GDPD4: variants seen among roughly 807,000 people sequenced by gnomAD.
The protein encoded by GDPD4 is glycerophosphodiester phosphodiesterase 6.
In GDPD4, 60 loss-of-function variants were observed where a neutral mutation model predicts 67.8. The observed-to-expected ratio is 0.88, with a 90% confidence interval of 0.72 to 1.10. The LOEUF (loss-of-function observed/expected upper bound fraction) is 1.10. Among genes scored for constraint, GDPD4 ranks in the 50% least tolerant of loss-of-function variants. The pLI, the probability that GDPD4 is intolerant of heterozygous loss-of-function variation, is 0.00. For synonymous variants in GDPD4, 212 were observed against 210.9 expected (o/e 1.00, Z -0.04); for missense variants, 623 against 613.9 (o/e 1.01, Z -0.16).
chr11:77,274,543 C>T (rs1470530805), intron 5 of GDPD4, among the ~76,000 whole-genome samples: 1 of 152,172 alleles, frequency 6.6e-6, no homozygotes, highest in Admixed American at 6.5e-5. Context: ...GATATGCTGG[C>T]TCCCCACTTG....
intron 10 of GDPD4, among the ~76,000 whole-genome samples, chr11:77,262,310 C>T (rs1285332597): frequency 6.6e-6 from 1 of 152,158 alleles, no homozygotes; most frequent in Non-Finnish European, 1.5e-5. Flanking sequence ...AGCAGGAAAT[C>T]AGCCAAAGCA....
chr11:77,224,209 A>C (rs1030631628), intron 16 of GDPD4: 1 of 152,146 alleles, frequency 6.6e-6, no homozygotes, highest in East Asian at 1.9e-4. Flanking sequence ...CCCACTGTCC[A>C]ACCAGTCCCA....
At chr11:77,249,507 AG>A (rs1015564614) in intron 11 of GDPD4, among the ~76,000 whole-genome samples, 3 of 152,226 alleles carry the variant, frequency 2.0e-5, no homozygotes, top group Non-Finnish European at 2.9e-5. Context: ...AAAGTTGAAC[AG>A]AATGAAAAAT....
At chr11:77,281,651 T>C (rs562993201) in intron 3 of GDPD4, among the ~76,000 whole-genome samples, 2 of 152,210 alleles carry the variant, frequency 1.3e-5, no homozygotes, top group Non-Finnish European at 2.9e-5. Flanking sequence ...CAGGAAGCTC[T>C]TGTAAACTTC....
chr11:77,254,722 G>C (rs776603211), intron 11 of GDPD4, among the ~76,000 whole-genome samples: 67 of 152,228 alleles, frequency 4.4e-4, no homozygotes, highest in Non-Finnish European at 8.5e-4. Context: ...CAGGAATTCA[G>C]TTTAGCTTCC....
intron 13 of GDPD4, among the ~76,000 whole-genome samples, chr11:77,236,831 C>T (rs1958578998): frequency 6.6e-6 from 1 of 152,032 alleles, no homozygotes; most frequent in Admixed American, 6.6e-5. Flanking sequence ...GTATAAGGAA[C>T]CATTCATTTT....
At chr11:77,271,759 T>C (rs547054280) in intron 5 of GDPD4, among the ~76,000 whole-genome samples, 56 of 152,350 alleles carry the variant, frequency 3.7e-4, no homozygotes, top group Non-Finnish European at 5.6e-4. Flanking sequence ...AGTCCTCAAT[T>C]GTATACTCAA....
chr11:77,233,257 A>G lies in GDPD4; in HGVS notation c.1242-85T>C, dbSNP rs183466872. ...AGGAGAACAGCCACCATGTTTGTGA[A>G]AGGCTGTTGCCTAAATCACCAGAAG... On this transcript the variant is annotated intron_variant, in intron 13 of 16. Coordinates refer to ENST00000315938, the MANE Select transcript of GDPD4 (RefSeq NM_182833.3). 5 of 1,346,864 alleles carry G rather than the reference A, an allele frequency of 3.7e-6. No individual in the cohort carries two copies. The East Asian group carries it at 1.2e-4, about 31-fold the overall frequency. The allele number at this position is 1,346,864 out of a possible 1,614,324, so 83.4% of individuals were successfully genotyped here.
At chr11:77,277,794 C>T (rs915610303) in intron 4 of GDPD4, among the ~76,000 whole-genome samples, 1 of 151,636 alleles carries the variant, frequency 6.6e-6, no homozygotes, top group Non-Finnish European at 1.5e-5. Flanking sequence ...AATGTGTTTG[C>T]TCTTGCTTCT....
chr11:77,279,345 A>T lies in GDPD4; in HGVS notation c.108T>A (p.Ser36Arg). The T allele has an allele frequency of 6.2e-7, 1 of 1,613,044 alleles. No individual in the cohort carries two copies. Among genetic ancestry groups the T allele is most frequent in the African/African-American group, 1.3e-5 (1 of 75,030 alleles). Residue 36 changes from serine (S) to arginine (R), a missense_variant, in exon 4 of 17, where the codon AGT becomes AGA. Ser to Arg is a moderately radical substitution (Grantham distance 110). Transcript: ENST00000315938. ...AGTAGGCAGTCAGGATCCTAGCTAA[A>T]CTCAGAATAAAAATAGACCAGAAAA... ...YWFFWSIFIL[S>R]LARILTAYSS...
At chr11:77,243,158 G>C (rs1400653858) in intron 13 of GDPD4, among the ~76,000 whole-genome samples, 1 of 152,090 alleles carries the variant, frequency 6.6e-6, no homozygotes, top group Non-Finnish European at 1.5e-5. Flanking sequence ...TTTTAATTCT[G>C]AAAATTTGTC....
Position 77,245,825 on chromosome 11 carries a change from A to G in GDPD4, c.865-323T>C, listed in dbSNP as rs190191408. Among the ~76,000 whole-genome samples, 172 of 152,268 alleles carry G rather than the reference A, an allele frequency of 1.1e-3. 1 individual carries two copies. The highest frequency in any genetic ancestry group is 2.1e-3 in the Non-Finnish European group (144 of 68,028). The stretch of plus-strand genomic sequence containing the variant: ...CCCTTTTCAGTCACGCTGGCTTCCT[A>G]CATGGGCTCCCGCTATTCTAGTTTT... On this transcript the variant is annotated intron_variant, in intron 11 of 16. Coordinates refer to ENST00000315938, the MANE Select transcript of GDPD4 (RefSeq NM_182833.3).
chr11:77,235,279 A>T (rs10793245), intron 13 of GDPD4, among the ~76,000 whole-genome samples: 88,131 of 151,702 alleles, frequency 0.58, 26,227 homozygotes, highest in Non-Finnish European at 0.64. Context: ...TCCCTCAAAT[A>T]GATCTGTAAG....
At chr11:77,250,935 AC>A (rs1333875812) in intron 11 of GDPD4, among the ~76,000 whole-genome samples, 2 of 152,120 alleles carry the variant, frequency 1.3e-5, no homozygotes, top group Non-Finnish European at 2.9e-5. Context: ...TGGTTTTGGA[AC>A]TAAACTCTGT....
chr11:77,217,239 G>T lies in GDPD4; in HGVS notation c.*38C>A. The T allele has an allele frequency of 6.6e-7, 1 of 1,521,870 alleles. No individual in the cohort carries two copies. The highest frequency in any genetic ancestry group is 9.1e-7 in the Non-Finnish European group (1 of 1,096,050). The allele number at this position is 1,521,870 out of a possible 1,614,324, so 94.3% of individuals were successfully genotyped here. On this transcript the variant is annotated 3_prime_UTR_variant, in exon 17 of 17. Coordinates refer to ENST00000315938, the MANE Select transcript of GDPD4 (RefSeq NM_182833.3). ...AGAGTCCAAGGACCTTCCACAACTCGGACAGGAGGTTTCATGGCTATGTGC... is the reference window on the plus strand; with the variant it reads ...AGAGTCCAAGGACCTTCCACAACTCTGACAGGAGGTTTCATGGCTATGTGC...
intron 15 of GDPD4, among the ~76,000 whole-genome samples, 171 bp downstream of exon 15, chr11:77,228,979 A>T (rs1276201683): frequency 6.6e-6 from 1 of 152,100 alleles, no homozygotes; most frequent in Non-Finnish European, 1.5e-5. Flanking sequence ...TATTTGGGGG[A>T]GGTCAAAGGG....
intron 7 of GDPD4, 31 bp from the exon 8 acceptor site, chr11:77,269,991 T>C: frequency 8.8e-7 from 1 of 1,139,180 alleles, no homozygotes; most frequent in African/African-American, 1.5e-5. Flanking sequence ...AAGAAAAGAG[T>C]TCATTATTGT....
rs183976044 is a variant in GDPD4, at chr11:77,227,797, G to C, written c.1525+67C>G. On this transcript the variant is annotated intron_variant, in intron 16 of 16. Coordinates refer to ENST00000315938, the MANE Select transcript of GDPD4 (RefSeq NM_182833.3). Reference sequence around the variant, plus strand: ...GCTCTTGTCAGGGACATGAAAAGCTGCCTCTGTCTCCTGGAAGCAATGGGT... The same window carrying C: ...GCTCTTGTCAGGGACATGAAAAGCTCCCTCTGTCTCCTGGAAGCAATGGGT... 3.2e-4 allele frequency: 370 copies of C among 1,164,380 alleles called. 1 individual carries two copies. Among genetic ancestry groups the C allele is most frequent in the Non-Finnish European group, 5.7e-5 (45 of 782,808 alleles). The allele number at this position is 1,164,380 out of a possible 1,614,324, so 72.1% of individuals were successfully genotyped here.
chr11:77,225,424 AATT>A (rs1248043252), intron 16 of GDPD4, among the ~76,000 whole-genome samples: 1 of 152,158 alleles, frequency 6.6e-6, no homozygotes, highest in Non-Finnish European at 1.5e-5. Flanking sequence ...TAAAGACTAA[AATT>A]ATGTCCAATT....
Sources: allele counts gnomAD v4.1 joint callset (sites outside exome capture counted in the v4.1 genomes callset), GRCh38; gene constraint gnomAD v4.1.1; transcripts MANE v1.5; gene names NCBI Gene and HGNC (gene_info 2026-07-23, HGNC 2026-07-21).